The following STK3 variants were observed in gnomAD, a reference collection of about 807,000 sequenced individuals.
The protein encoded by STK3 is serine/threonine kinase 3, also known as serine/threonine-protein kinase 3.
In STK3, 41 loss-of-function variants were observed where a neutral mutation model predicts 58.0. The observed-to-expected ratio is 0.71, with a 90% CI of 0.55 to 0.92. The LOEUF (loss-of-function observed/expected upper bound fraction) is 0.92, where lower values mean the gene tolerates loss of function less well. STK3 is among the 40% of genes least tolerant of loss of function. The probability of loss-of-function intolerance (pLI) is 0.00; values close to 1 mark genes in which losing one functional copy is unlikely to be tolerated. For missense variants in STK3, 479 were observed against 602.7 expected, an observed-to-expected ratio of 0.79 and a Z score of 2.15; for synonymous variants, 170 against 191.0, an observed-to-expected ratio of 0.89 and a Z score of 0.91.
Position 98,694,812 on chromosome 8 carries a change from C to T in STK3, c.684+11655G>A, listed in dbSNP as rs374229018. ...TGTGAATAGTGCCACAATAAACATA[C>T]GTGTGCATGTGTCTTTATAGTAGCA... On this transcript the variant is annotated intron_variant, in intron 6 of 10. Transcript: ENST00000419617. 2.4e-3 allele frequency among the ~76,000 whole-genome samples: 367 copies of T among 152,248 alleles called. 1 individual carries two copies. The highest frequency in any genetic ancestry group is 0.01 in the Middle Eastern group (3 of 294).
intron 4 of STK3, among the ~76,000 whole-genome samples, chr8:98,740,138 G>A (rs573397433): frequency 1.3e-4 from 20 of 152,160 alleles, no homozygotes; most frequent in Middle Eastern, 6.8e-3. Context: ...TGAAAGTGAC[G>A]GGGAGAATGG....
intron 1 of STK3, chr8:98,904,717 G>T (rs1838819976): frequency 1.2e-6 from 1 of 820,894 alleles, no homozygotes; most frequent in Non-Finnish European, 2.0e-6. Context: ...GCCCATAACC[G>T]TAGCCCTCTC....
At chr8:98,677,039 T>C (rs1047772021) in intron 6 of STK3, among the ~76,000 whole-genome samples, 1 of 152,192 alleles carries the variant, frequency 6.6e-6, no homozygotes, top group Non-Finnish European at 1.5e-5. Context: ...TGCTTCTGCA[T>C]TAATAAGCAG....
chr8:98,651,061 G>A (rs1015586686), intron 6 of STK3, among the ~76,000 whole-genome samples: 14 of 152,308 alleles, frequency 9.2e-5, no homozygotes, highest in East Asian at 3.9e-4. Flanking sequence ...CTGACCCCTG[G>A]CCCTGGAGCC....
At chr8:98,716,336 C>A (rs1827012269) in intron 4 of STK3, among the ~76,000 whole-genome samples, 1 of 151,444 alleles carries the variant, frequency 6.6e-6, no homozygotes, top group Admixed American at 6.6e-5. Flanking sequence ...ACAAAATCAA[C>A]CCAAGAAAAT....
chr8:98,593,144 C>A (rs1815482749), intron 7 of STK3, among the ~76,000 whole-genome samples: 1 of 152,142 alleles, frequency 6.6e-6, no homozygotes, highest in Admixed American at 6.5e-5. Flanking sequence ...TGCTAATAGA[C>A]TGAAACTGAA....
At chr8:98,408,722 G>A (rs952165799) in intron 3 of STK3, among the ~76,000 whole-genome samples, 9 of 152,218 alleles carry the variant, frequency 5.9e-5, no homozygotes, top group Non-Finnish European at 8.8e-5. Flanking sequence ...GGCTGGCAGC[G>A]CTCCTGCTGT....
chr8:98,904,565 G>A (rs1838813996), intron 1 of STK3: 1 of 538,634 alleles, frequency 1.9e-6, no homozygotes, highest in South Asian at 1.5e-5. Flanking sequence ...GCAGCCCGAG[G>A]GTTCAGTCAG....
At chr8:98,759,146 G>GCA (rs1830468504) in intron 3 of STK3, among the ~76,000 whole-genome samples, 2 of 152,180 alleles carry the variant, frequency 1.3e-5, no homozygotes, top group African/African-American at 2.4e-5. Context: ...TAGCTGTTTG[G>GCA]CACAAGAACC....
chr8:98,704,863 C>T (rs1316064348), intron 6 of STK3, among the ~76,000 whole-genome samples: 1 of 152,152 alleles, frequency 6.6e-6, no homozygotes, highest in East Asian at 1.9e-4. Flanking sequence ...AGCTCTTGTA[C>T]TTACCTAGGT....
chr8:98,633,786 G>A (rs981023704), intron 6 of STK3: 1 of 546,438 alleles, frequency 1.8e-6, no homozygotes, highest in Non-Finnish European at 3.4e-6. Context: ...GCTCAAGCAA[G>A]TGTATGGTAA....
chr8:98,564,574 G>A (rs1812321422), intron 8 of STK3, among the ~76,000 whole-genome samples: 1 of 152,106 alleles, frequency 6.6e-6, no homozygotes, highest in South Asian at 2.1e-4. Context: ...ATAGTACAGT[G>A]ACTGTGGTCA....
At chr8:98,583,018 A>G (rs951730765) in intron 7 of STK3, among the ~76,000 whole-genome samples, 5 of 151,982 alleles carry the variant, frequency 3.3e-5, no homozygotes, top group Admixed American at 1.3e-4. Flanking sequence ...AAGTGACTCC[A>G]TCCTCATTTA....
chr8:98,568,306 A>G (rs1260200112), intron 8 of STK3, among the ~76,000 whole-genome samples: 1 of 152,188 alleles, frequency 6.6e-6, no homozygotes, highest in Admixed American at 6.5e-5. Flanking sequence ...AATTGAATAG[A>G]TAACAGTATA....
At chr8:98,434,710 T>C (rs1818422680) in intron 2 of STK3, among the ~76,000 whole-genome samples, 1 of 151,596 alleles carries the variant, frequency 6.6e-6, no homozygotes, top group South Asian at 2.1e-4. Flanking sequence ...GGGAAAGAGA[T>C]ACAAGAGAAG....
intron 9 of STK3, among the ~76,000 whole-genome samples, chr8:98,527,176 A>G (rs552868949): frequency 7.9e-5 from 12 of 152,338 alleles, no homozygotes; most frequent in Non-Finnish European, 1.5e-4. Context: ...GTTTAGTAAA[A>G]TCATTATCAG....
At chr8:98,920,793 C>T (rs549441498) in intron 1 of STK3, among the ~76,000 whole-genome samples, 3 of 152,258 alleles carry the variant, frequency 2.0e-5, no homozygotes, top group Non-Finnish European at 4.4e-5. Context: ...AGGTTACAAC[C>T]TCACCCTAAG....
At chr8:98,931,442 C>A (rs538898090) in intron 1 of STK3, among the ~76,000 whole-genome samples, 1 of 152,232 alleles carries the variant, frequency 6.6e-6, no homozygotes, top group South Asian at 2.1e-4. Context: ...CACTCCTACC[C>A]CGACCCGGCC....
chr8:98,789,853 C>A (rs1360397202), intron 1 of STK3, among the ~76,000 whole-genome samples: 2 of 151,962 alleles, frequency 1.3e-5, no homozygotes, highest in Non-Finnish European at 2.9e-5. Flanking sequence ...ATGGTGAAAC[C>A]CTGTCTCTAC....
Sources: allele counts gnomAD v4.1 joint callset (sites outside exome capture counted in the v4.1 genomes callset), GRCh38; gene constraint gnomAD v4.1.1; transcripts MANE v1.5; gene names NCBI Gene and HGNC (gene_info 2026-07-23, HGNC 2026-07-21).